PTPRD: variants seen among roughly 807,000 people sequenced by gnomAD.
The protein encoded by PTPRD is protein tyrosine phosphatase receptor type D.
A neutral mutation model predicts 214.5 loss-of-function variants in PTPRD; 34 were observed. The observed-to-expected ratio is 0.16, with a 90% CI of 0.12 to 0.21. PTPRD has a LOEUF of 0.21. Among genes scored for constraint, PTPRD ranks in the 10% least tolerant of loss-of-function variants. PTPRD has a pLI of 1.00. For synonymous variants in PTPRD, 1,128 were observed against 845.7 expected (o/e 1.33, Z -5.79); for missense variants, 2,545 against 2,398.7 (o/e 1.06, Z -1.27).
intron 7 of PTPRD, among the ~76,000 whole-genome samples, chr9:9,683,636 T>C (rs1424341490): frequency 1.3e-5 from 2 of 151,654 alleles, no homozygotes; most frequent in Non-Finnish European, 3.0e-5. Flanking sequence ...TCTGAAGTAA[T>C]AAGATTTATT....
At chr9:10,287,042 G>C (rs908080874) in intron 3 of PTPRD, among the ~76,000 whole-genome samples, 1 of 152,134 alleles carries the variant, frequency 6.6e-6, no homozygotes, top group Non-Finnish European at 1.5e-5. Flanking sequence ...CAGCAAATAA[G>C]AAAGAGAAGA....
In PTPRD at chr9:9,779,173, G is replaced by T. The variant is rs1002846989; in HGVS notation, c.-367-12322C>A. Among the ~76,000 whole-genome samples, 4 of 147,434 alleles carry T rather than the reference G, an allele frequency of 2.7e-5. No homozygotes were observed. The South Asian group carries it at 6.5e-4, about 24-fold the overall frequency. On this transcript the variant is annotated intron_variant, in intron 5 of 45. Coordinates refer to ENST00000381196, the MANE Select transcript of PTPRD (RefSeq NM_002839.4). ...CCACATGGAAAAGAATGAAATTAGG[G>T]TCTCACCTTTCACCATATACAAAAA...
At chr9:9,437,197 G>C (rs1247442578) in intron 8 of PTPRD, among the ~76,000 whole-genome samples, 1 of 152,300 alleles carries the variant, frequency 6.6e-6, no homozygotes, top group East Asian at 1.9e-4. Flanking sequence ...CGAAATATCA[G>C]AGAATGAGCT....
intron 4 of PTPRD, among the ~76,000 whole-genome samples, chr9:10,009,348 G>A (rs1235989042): frequency 6.6e-6 from 1 of 151,900 alleles, no homozygotes; most frequent in Non-Finnish European, 1.5e-5. Flanking sequence ...TACATTTTAG[G>A]GAGACAGACA....
chr9:9,557,228 G>A (rs1034264813), intron 8 of PTPRD, among the ~76,000 whole-genome samples: 2 of 152,114 alleles, frequency 1.3e-5, no homozygotes, highest in African/African-American at 4.8e-5. Context: ...CATGATGGAA[G>A]GGGGGAAGGG....
chr9:9,890,946 T>C (rs2073091723), intron 5 of PTPRD, among the ~76,000 whole-genome samples: 1 of 152,108 alleles, frequency 6.6e-6, no homozygotes, highest in South Asian at 2.1e-4. Flanking sequence ...TGAATTTGAG[T>C]TCACCATATC....
intron 3 of PTPRD, among the ~76,000 whole-genome samples, chr9:10,174,310 T>C (rs1272089097): frequency 6.6e-6 from 1 of 152,150 alleles, no homozygotes; most frequent in Non-Finnish European, 1.5e-5. Flanking sequence ...ATTCCAGTGA[T>C]AGCTGACTGT....
At chr9:10,263,623 T>C (rs2498628) in intron 3 of PTPRD, among the ~76,000 whole-genome samples, 23,784 of 152,050 alleles carry the variant, frequency 0.16, 1,967 homozygotes, top group African/African-American at 0.19. Context: ...CAACAAAGTG[T>C]TCAAGAGGAA....
At chr9:9,924,265 T>C (rs2083502616) in intron 5 of PTPRD, among the ~76,000 whole-genome samples, 1 of 151,964 alleles carries the variant, frequency 6.6e-6, no homozygotes, top group Non-Finnish European at 1.5e-5. Context: ...AAGATAATAA[T>C]ACAAGCATAT....
intron 2 of PTPRD, among the ~76,000 whole-genome samples, chr9:10,496,215 G>A (rs772772524): frequency 2.0e-5 from 3 of 151,650 alleles, no homozygotes; most frequent in East Asian, 1.9e-4. Context: ...TGTTATCTTC[G>A]AATTTTTGTA....
At chr9:10,006,916 C>G (rs2211514) in intron 4 of PTPRD, among the ~76,000 whole-genome samples, 108,415 of 151,692 alleles carry the variant, frequency 0.71, 39,795 homozygotes, top group Middle Eastern at 0.85. Context: ...GTCAAAATTT[C>G]TTTTAAAATT....
intron 5 of PTPRD, among the ~76,000 whole-genome samples, chr9:9,922,527 G>A (rs1341921357): frequency 6.6e-6 from 1 of 151,956 alleles, no homozygotes; most frequent in African/African-American, 2.4e-5. Flanking sequence ...ATGAGTAGTT[G>A]AGACCTACAG....
chr9:9,281,555 C>G (rs957280468), intron 9 of PTPRD, among the ~76,000 whole-genome samples: 4 of 151,260 alleles, frequency 2.6e-5, no homozygotes, highest in African/African-American at 9.7e-5. Context: ...AATATTACTA[C>G]ACACCTATAT....
chr9:8,643,767 G>T (rs114182876), intron 12 of PTPRD, among the ~76,000 whole-genome samples: 8 of 152,170 alleles, frequency 5.3e-5, no homozygotes, highest in African/African-American at 1.9e-4. Context: ...TACTGACCAG[G>T]GTGGAAGGGA....
At chr9:8,882,412 G>C (rs1374616126) in intron 11 of PTPRD, among the ~76,000 whole-genome samples, 3 of 152,154 alleles carry the variant, frequency 2.0e-5, no homozygotes, top group Non-Finnish European at 4.4e-5. Flanking sequence ...GGAAAGCTGA[G>C]ACCAGAAGCC....
chr9:9,791,993 C>T (rs1420331637), intron 5 of PTPRD, among the ~76,000 whole-genome samples: 1 of 151,908 alleles, frequency 6.6e-6, no homozygotes, highest in Non-Finnish European at 1.5e-5. Context: ...GTTCTGTTGT[C>T]CTGAAGTCCT....
chr9:9,668,764 TC>T (rs1433238555), intron 7 of PTPRD, among the ~76,000 whole-genome samples: 2 of 152,292 alleles, frequency 1.3e-5, no homozygotes, highest in East Asian at 3.9e-4. Flanking sequence ...TTAATTGATA[TC>T]ATTTTAAAAA....
intron 3 of PTPRD, among the ~76,000 whole-genome samples, chr9:10,182,276 A>G (rs1027920376): frequency 6.7e-6 from 1 of 150,290 alleles, no homozygotes; most frequent in Non-Finnish European, 1.5e-5. Flanking sequence ...AAAAAAAAAA[A>G]AAAGAAAAGA....
chr9:9,235,274 G>T (rs1393217250), intron 9 of PTPRD, among the ~76,000 whole-genome samples: 1 of 152,044 alleles, frequency 6.6e-6, no homozygotes, highest in Non-Finnish European at 1.5e-5. Context: ...TTCCCACTTG[G>T]TCCCTCCCAT....
Sources: gnomAD v4.1 joint callset for allele counts (sites outside exome capture counted in the v4.1 genomes callset) on GRCh38, gnomAD v4.1.1 for gene constraint, MANE v1.5 for transcripts, NCBI Gene and HGNC (gene_info 2026-07-23, HGNC 2026-07-21) for gene names.